Variants in PLPP4 observed in about 807,000 individuals in gnomAD.
PLPP4 encodes the protein diacylglycerol pyrophosphate like 2.
PLPP4 carries 20 observed loss-of-function variants against 32.2 expected under a neutral mutation model. That is an observed-to-expected ratio of 0.62 (90% CI 0.44 to 0.90). The LOEUF (loss-of-function observed/expected upper bound fraction) is 0.90. Ranked by LOEUF, PLPP4 falls within the 40% of genes least tolerant of loss-of-function variation. PLPP4 has a pLI of 0.00. For missense variants in PLPP4, 257 were observed against 353.1 expected (o/e 0.73, Z 2.18); for synonymous variants, 127 against 133.0 (o/e 0.95, Z 0.31).
At chr10:120,569,544 T>C (rs1848837543) in intron 5 of PLPP4, among the ~76,000 whole-genome samples, 1 of 152,242 alleles carries the variant, frequency 6.6e-6, no homozygotes. Flanking sequence ...TTAGGAGTTT[T>C]GGAGTTCCTT....
intron 5 of PLPP4, among the ~76,000 whole-genome samples, chr10:120,571,094 G>GTT (rs1011549525): frequency 3.7e-3 from 4 of 1,086 alleles, no homozygotes; most frequent in Non-Finnish European, 0.018. Flanking sequence ...GTAAAGGGGC[G>GTT]TGTGTGTGTG....
chr10:120,518,948 A>G, intron 4 of PLPP4, 52 bp downstream of exon 4: 1 of 1,488,218 alleles, frequency 6.7e-7, no homozygotes, highest in Non-Finnish European at 9.3e-7. Context: ...GGTCATCTAT[A>G]TAGGAAGCTG....
chr10:120,530,779 A>T (rs185547366), intron 5 of PLPP4, among the ~76,000 whole-genome samples: 11 of 152,314 alleles, frequency 7.2e-5, no homozygotes, highest in Admixed American at 4.6e-4. Flanking sequence ...TGGGCAATCT[A>T]TGAAAATTCC....
intron 1 of PLPP4, among the ~76,000 whole-genome samples, chr10:120,501,559 A>G (rs148539928): frequency 1.6e-4 from 24 of 152,308 alleles, no homozygotes; most frequent in African/African-American, 5.8e-4. Context: ...TAAATGACTC[A>G]TTATGTGCCA....
At chr10:120,459,712 A>C (rs191603038) in intron 1 of PLPP4, among the ~76,000 whole-genome samples, 153 of 152,280 alleles carry the variant, frequency 1.0e-3, no homozygotes, top group African/African-American at 3.5e-3. Context: ...ATTGCTCAGG[A>C]TGAAAGAATT....
rs76622928 is a variant in PLPP4 at position 120,568,079 on chromosome 10, A to C, written c.446-7052A>C. On this transcript the variant is annotated intron_variant, in intron 5 of 6. Coordinates refer to ENST00000398250, the MANE Select transcript of PLPP4 (RefSeq NM_001030059.3). ...TGTGCTACAATCTTCTTGAGTTACA[A>C]AAATAAGGACCTGGCTTAGCTCGGG... Among the ~76,000 whole-genome samples, 1,257 of 152,342 alleles carry C rather than the reference A, an allele frequency of 8.3e-3. 23 individuals carry two copies. The highest frequency in any genetic ancestry group is 0.029 in the African/African-American group (1,203 of 41,574).
chr10:120,535,380 G>A (rs1264819864), intron 5 of PLPP4, among the ~76,000 whole-genome samples: 2 of 151,972 alleles, frequency 1.3e-5, no homozygotes, highest in Non-Finnish European at 2.9e-5. Flanking sequence ...ATTGCTCAAT[G>A]TATAGTTTAT....
At chr10:120,490,706 A>G (rs1844681047) in intron 1 of PLPP4, among the ~76,000 whole-genome samples, 1 of 152,228 alleles carries the variant, frequency 6.6e-6, no homozygotes. Flanking sequence ...GTGTCAGGTC[A>G]GGACTGTGCT....
At chr10:120,481,677 C>G (rs1844213049) in intron 1 of PLPP4, among the ~76,000 whole-genome samples, 1 of 152,122 alleles carries the variant, frequency 6.6e-6, no homozygotes, top group African/African-American at 2.4e-5. Flanking sequence ...AGACCATGAT[C>G]AAAGTTTTAT....
At position 120,571,788 on chromosome 10, in the gene PLPP4, A is replaced by G. The variant is rs571055776; in HGVS notation, c.446-3343A>G. On this transcript the variant is annotated intron_variant, in intron 5 of 6. Transcript: ENST00000398250. ...TCTTCCTCAGGTAGTTACTGGAAAA[A>G]CAGGAGTGCAGAGAACCAAGGCTTC... Among the ~76,000 whole-genome samples the G allele has an allele frequency of 6.6e-5, 10 of 152,308 alleles. No homozygotes were observed. In the South Asian group the frequency reaches 1.9e-3, roughly 28 times the overall value.
At chr10:120,532,517 T>G (rs1157002342) in intron 5 of PLPP4, among the ~76,000 whole-genome samples, 1 of 152,188 alleles carries the variant, frequency 6.6e-6, no homozygotes, top group East Asian at 1.9e-4. Context: ...ATGTTTTTAG[T>G]ATATTGTCTA....
At chr10:120,463,807 C>T (rs10736291) in intron 1 of PLPP4, among the ~76,000 whole-genome samples, 109,576 of 151,684 alleles carry the variant, frequency 0.72, 41,597 homozygotes, top group East Asian at 0.92. Context: ...TTACAGGCCC[C>T]AGAGGATTCT....
intron 1 of PLPP4, among the ~76,000 whole-genome samples, chr10:120,493,974 T>G (rs946894759): frequency 2.0e-5 from 3 of 152,100 alleles, no homozygotes; most frequent in African/African-American, 4.8e-5. Flanking sequence ...AGGATGTAAT[T>G]GACTTATTGA....
chr10:120,570,657 T>C (rs1337810111), intron 5 of PLPP4, among the ~76,000 whole-genome samples: 2 of 152,172 alleles, frequency 1.3e-5, no homozygotes, highest in Non-Finnish European at 2.9e-5. Flanking sequence ...AGTTAAACTA[T>C]AACATTGCAC....
intron 5 of PLPP4, among the ~76,000 whole-genome samples, chr10:120,547,480 ATGAT>A (rs1326752964): frequency 6.6e-6 from 1 of 152,188 alleles, no homozygotes; most frequent in East Asian, 1.9e-4. Flanking sequence ...CAGTAGGAGA[ATGAT>A]TGATTATTAA....
intron 2 of PLPP4, among the ~76,000 whole-genome samples, chr10:120,506,888 G>C (rs1171593869): frequency 6.6e-6 from 1 of 152,206 alleles, no homozygotes; most frequent in Non-Finnish European, 1.5e-5. Flanking sequence ...ACAACCCAGT[G>C]TTCCTGTTGA....
At chr10:120,569,055 A>G (rs1303240375) in intron 5 of PLPP4, among the ~76,000 whole-genome samples, 1 of 152,106 alleles carries the variant, frequency 6.6e-6, no homozygotes, top group Non-Finnish European at 1.5e-5. Flanking sequence ...CCTAGCCAAC[A>G]TGGTGAAACC....
intron 1 of PLPP4, among the ~76,000 whole-genome samples, chr10:120,458,657 G>A (rs1388951017): frequency 6.6e-6 from 1 of 152,064 alleles, no homozygotes; most frequent in Non-Finnish European, 1.5e-5. Context: ...CCTTCTGCCC[G>A]AACACTGGTG....
In PLPP4 at chr10:120,516,877, A is replaced by G. The variant is rs575693345; in HGVS notation, c.257-1956A>G. Among the ~76,000 whole-genome samples the G allele has an allele frequency of 2.6e-5, 4 of 152,204 alleles. No homozygotes were observed. In the South Asian group the frequency reaches 8.3e-4, roughly 32 times the overall value. On this transcript the variant is annotated intron_variant, in intron 3 of 6. Transcript: ENST00000398250. ...CCGGAGGGTTGTGCTATTCCAGTAAAAATATTAAGCAGTTTGGTTTCCTTC... is the reference window on the plus strand; with the variant it reads ...CCGGAGGGTTGTGCTATTCCAGTAAGAATATTAAGCAGTTTGGTTTCCTTC...
Sources: allele counts gnomAD v4.1 joint callset (sites outside exome capture counted in the v4.1 genomes callset), GRCh38; gene constraint gnomAD v4.1.1; transcripts MANE v1.5; gene names NCBI Gene and HGNC (gene_info 2026-07-23, HGNC 2026-07-21).